MYH9: variants seen among roughly 807,000 people sequenced by gnomAD.
MYH9 encodes the protein myosin heavy chain 9, also known as myosin-9.
Under a neutral mutation model 241.9 loss-of-function variants are expected in MYH9, and 29 were observed. The observed-to-expected ratio is 0.12, with a 90% confidence interval of 0.09 to 0.16. The LOEUF is 0.16. MYH9 is among the 10% of genes least tolerant of loss of function. The pLI, the probability that MYH9 is intolerant of heterozygous loss-of-function variation, is 1.00. For missense variants in MYH9, 1,803 were observed against 2,595.5 expected, an observed-to-expected ratio of 0.69 and a Z score of 6.63; for synonymous variants, 1,047 against 1,062.6, an observed-to-expected ratio of 0.99 and a Z score of 0.29.
At chr22:36,331,183 C>T (rs2017414601) in intron 3 of MYH9, among the ~76,000 whole-genome samples, 2 of 152,058 alleles carry the variant, frequency 1.3e-5, no homozygotes, top group South Asian at 4.1e-4. Context: ...GGCCCCTTGA[C>T]CTCTCTGGGA....
intron 3 of MYH9, 144 bp from the exon 4 acceptor site, chr22:36,327,632 C>G (rs1474425669): frequency 1.0e-6 from 1 of 976,118 alleles, no homozygotes; most frequent in Non-Finnish European, 1.6e-6. Context: ...TACCCTCACA[C>G]CTGGCTAGGA....
chr22:36,309,092 G>A (rs541683922), intron 15 of MYH9, among the ~76,000 whole-genome samples, 190 bp downstream of exon 15: 14 of 152,316 alleles, frequency 9.2e-5, no homozygotes, highest in Admixed American at 6.5e-4. Context: ...CGGTGTGTGC[G>A]CAAGGGCAGT....
chr22:36,374,642 G>C (rs2018138675), intron 1 of MYH9, among the ~76,000 whole-genome samples: 1 of 152,228 alleles, frequency 6.6e-6, no homozygotes, highest in Non-Finnish European at 1.5e-5. Flanking sequence ...CACAACCAGA[G>C]GGCGCAGGCC....
At chr22:36,331,563 C>T (rs2017419931) in intron 3 of MYH9, among the ~76,000 whole-genome samples, 1 of 152,190 alleles carries the variant, frequency 6.6e-6, no homozygotes, top group South Asian at 2.1e-4. Context: ...CTGCTGGGGG[C>T]TTAAGCCTCA....
At chr22:36,323,090 G>A (rs1200322594) in intron 5 of MYH9, among the ~76,000 whole-genome samples, 3 of 152,176 alleles carry the variant, frequency 2.0e-5, no homozygotes, top group Admixed American at 6.5e-5. Context: ...GATCCATGAG[G>A]CCCACTTTGG....
Position 36,282,586 on chromosome 22 carries a change from G to A in MYH9, c.*82C>T. ...TGTTCACAGCAGTCCCAAGAAGGTG[G>A]GGAGAGGCGTGCTGCGGGGTCTGGG... On this transcript the variant is annotated 3_prime_UTR_variant, in exon 41 of 41. Transcript: ENST00000216181. 1 of 1,264,686 alleles carries A rather than the reference G, an allele frequency of 7.9e-7. No homozygotes were observed. The highest frequency in any genetic ancestry group is 1.2e-6 in the Non-Finnish European group (1 of 868,336). 78.3% of individuals were successfully genotyped at this position (1,264,686 alleles called of 1,614,324 possible). A position where few individuals can be genotyped will look rare whatever the true frequency, so the allele number is the denominator to read the frequency against.
intron 38 of MYH9, 147 bp downstream of exon 38, chr22:36,284,974 A>G (rs2146327708): frequency 2.8e-6 from 2 of 721,400 alleles, no homozygotes; most frequent in Non-Finnish European, 2.3e-6. Context: ...AACCTGTGGA[A>G]GGGATGAGGG....
In MYH9 at chr22:36,343,410, T is replaced by C. The variant is rs1471024190; in HGVS notation, c.334-1884A>G. On this transcript the variant is annotated intron_variant, in intron 2 of 40. Coordinates refer to ENST00000216181, the MANE Select transcript of MYH9 (RefSeq NM_002473.6). The stretch of plus-strand genomic sequence containing the variant: ...AATTAAAATAAAAATTAGCTGCGTG[T>C]GGTGGCATGCACCTGTAGTCCCAGC... Among the ~76,000 whole-genome samples the C allele has an allele frequency of 2.0e-5, 3 of 151,796 alleles. No individual in the cohort carries two copies. The East Asian group carries it at 5.8e-4, about 29-fold the overall frequency.
In MYH9 at chr22:36,320,068, C is replaced by A. The variant is rs968131986; in HGVS notation, c.1012+152G>T. 5.6e-6 allele frequency: 6 copies of A among 1,073,802 alleles called. No individual in the cohort carries two copies. Among genetic ancestry groups the A allele is most frequent in the Non-Finnish European group, 8.2e-6 (6 of 732,696 alleles). 66.5% of individuals were successfully genotyped at this position (1,073,802 alleles called of 1,614,324 possible). A position where few individuals can be genotyped will look rare whatever the true frequency, so the allele number is the denominator to read the frequency against. On this transcript the variant is annotated intron_variant, in intron 9 of 40. Coordinates refer to ENST00000216181, the MANE Select transcript of MYH9 (RefSeq NM_002473.6). The surrounding 1 kb of genome is among the most constrained non-coding windows in gnomAD (Gnocchi z 4.8). ...GAACAAATAACCTTGAACCTCAAATCTGAGGAATCATTTTCCCATACACTG... is the reference window on the plus strand; with the variant it reads ...GAACAAATAACCTTGAACCTCAAATATGAGGAATCATTTTCCCATACACTG...
intron 1 of MYH9, among the ~76,000 whole-genome samples, chr22:36,358,759 CT>C (rs2017894242): frequency 6.6e-6 from 1 of 152,204 alleles, no homozygotes; most frequent in Non-Finnish European, 1.5e-5. Context: ...CTGGCCTCCC[CT>C]GCCACTTCTA....
At chr22:36,291,193 T>G (rs552221332) in intron 31 of MYH9, among the ~76,000 whole-genome samples, 2 of 152,128 alleles carry the variant, frequency 1.3e-5, no homozygotes, top group African/African-American at 4.8e-5. Flanking sequence ...CAACAGCTCA[T>G]TGATAGCGGG....
chr22:36,296,230 A>T (rs2016785582), intron 25 of MYH9, among the ~76,000 whole-genome samples: 1 of 152,128 alleles, frequency 6.6e-6, no homozygotes, highest in African/African-American at 2.4e-5. Context: ...ACTCTAAAAA[A>T]TAAAGTCTCT....
intron 2 of MYH9, among the ~76,000 whole-genome samples, chr22:36,345,736 T>C (rs1438924278): frequency 1.3e-5 from 2 of 152,230 alleles, no homozygotes; most frequent in Admixed American, 1.3e-4. Flanking sequence ...TGAGACACAA[T>C]AGGTCTGAAA....
chr22:36,337,297 C>T (rs933359729), intron 3 of MYH9, among the ~76,000 whole-genome samples: 1 of 152,126 alleles, frequency 6.6e-6, no homozygotes. Context: ...GATCCCCCAC[C>T]CCCAACAGAG....
At chr22:36,299,701 C>A (rs1234323206) in intron 23 of MYH9, among the ~76,000 whole-genome samples, 1 of 152,208 alleles carries the variant, frequency 6.6e-6, no homozygotes, top group Non-Finnish European at 1.5e-5. Context: ...GCTCCCTGGG[C>A]AGACACCGAC....
chr22:36,284,370 C>A (rs756072441), intron 39 of MYH9, 33 bp downstream of exon 39: 1 of 1,609,252 alleles, frequency 6.2e-7, no homozygotes, highest in East Asian at 2.2e-5. Flanking sequence ...CCCAGCCCCG[C>A]TGCCCTTCTC....
chr22:36,342,537 G>A lies in MYH9; in HGVS notation c.334-1011C>T, dbSNP rs117320392. Among the ~76,000 whole-genome samples the A allele has an allele frequency of 2.4e-3, 364 of 151,802 alleles. 7 individuals carry two copies. The East Asian group carries it at 0.054, about 23-fold the overall frequency. On this transcript the variant is annotated intron_variant, in intron 2 of 40. Transcript: ENST00000216181. ...TACACCTTACCTTGTGACTACCTCC[G>A]TGTCTTCAGGGAAATATACTTTACC...
intron 31 of MYH9, 66 bp downstream of exon 31, chr22:36,291,920 C>T (rs548185340): frequency 5.0e-6 from 8 of 1,610,602 alleles, no homozygotes; most frequent in Non-Finnish European, 6.8e-6. Context: ...CTCTGATGGG[C>T]CCTTTGCTTT....
rs2017233873 is a variant in MYH9 at position 36,320,542 on chromosome 22, C to T, written c.869-179G>A. Among the ~76,000 whole-genome samples, 1 of 152,204 alleles carries T rather than the reference C, an allele frequency of 6.6e-6. No individual in the cohort carries two copies. Among genetic ancestry groups the T allele is most frequent in the South Asian group, 2.1e-4 (1 of 4,828 alleles). On this transcript the variant is annotated intron_variant, in intron 8 of 40. Transcript: ENST00000216181. This position sits in a 1 kb window ranked among gnomAD's most constrained non-coding sequence, Gnocchi z 4.8. ...TCAGTGTCTGAGACTCTGACACTCCCGTCTCCTGGCCCAGGAGAGCGCCAG... is the reference window on the plus strand; with the variant it reads ...TCAGTGTCTGAGACTCTGACACTCCTGTCTCCTGGCCCAGGAGAGCGCCAG...
Sources: gnomAD v4.1 joint callset for allele counts (sites outside exome capture counted in the v4.1 genomes callset) on GRCh38, gnomAD v4.1.1 for gene constraint, Gnocchi (gnomAD v3.1) non-coding constraint, MANE v1.5 for transcripts, NCBI Gene and HGNC (gene_info 2026-07-23, HGNC 2026-07-21) for gene names.